ZNF426: variants seen among roughly 807,000 people sequenced by gnomAD.
ZNF426 encodes CTC-543D15.7.
Under a neutral mutation model 24.0 loss-of-function variants are expected in ZNF426, and 23 were observed. That is an observed-to-expected ratio of 0.96 (90% CI 0.69 to 1.36). The LOEUF (loss-of-function observed/expected upper bound fraction) is 1.36, where lower values mean the gene tolerates loss of function less well. Among genes scored for constraint, ZNF426 ranks in the 40% most tolerant of loss-of-function variants. ZNF426 has a pLI of 0.00. For missense variants in ZNF426, 646 were observed against 658.4 expected, an observed-to-expected ratio of 0.98 and a Z score of 0.21; for synonymous variants, 272 against 224.6, an observed-to-expected ratio of 1.21 and a Z score of -1.89.
chr19:9,536,373 A>G lies in ZNF426; in HGVS notation c.-124-17T>C. The G allele has an allele frequency of 1.3e-6, 2 of 1,564,350 alleles. No individual in the cohort carries two copies. Among genetic ancestry groups the G allele is most frequent in the East Asian group, 4.7e-5 (2 of 42,888 alleles). Reference sequence around the variant, plus strand: ...TTGGGATTCCTGTTGGTATTAATCAATAATCAACAAGCAGTACTTAATCAT... The same window carrying G: ...TTGGGATTCCTGTTGGTATTAATCAGTAATCAACAAGCAGTACTTAATCAT... On this transcript the variant is annotated splice_polypyrimidine_tract_variant and intron_variant, in intron 2 of 7. Coordinates refer to ENST00000253115, the MANE Select transcript of ZNF426 (RefSeq NM_024106.3).
intron 2 of ZNF426, among the ~76,000 whole-genome samples, chr19:9,536,828 T>A (rs1277152703): frequency 6.6e-6 from 1 of 151,406 alleles, no homozygotes; most frequent in Non-Finnish European, 1.5e-5. Context: ...GGTTAATTTT[T>A]TTCCACCAAA....
chr19:9,534,928 G>A (rs1162230328), intron 4 of ZNF426, among the ~76,000 whole-genome samples: 2 of 152,022 alleles, frequency 1.3e-5, no homozygotes, highest in African/African-American at 4.8e-5. Flanking sequence ...CTCCCTATAT[G>A]GGTGGCCCCA....
chr19:9,535,674 A>AT (rs1475318966), intron 3 of ZNF426, among the ~76,000 whole-genome samples: 2 of 143,548 alleles, frequency 1.4e-5, no homozygotes, highest in Admixed American at 6.8e-5. Flanking sequence ...TCTACAAAAA[A>AT]ATTTTTTTAA....
At position 9,524,280 on chromosome 19, in the gene ZNF426, C is replaced by T. The variant is rs2073769976; in HGVS notation, c.*4100G>A. 1 of 152,164 alleles carries T rather than the reference C, an allele frequency of 6.6e-6. No homozygotes were observed. The highest frequency in any genetic ancestry group is 1.5e-5 in the Non-Finnish European group (1 of 68,040). The allele number at this position is 152,164 out of a possible 1,614,324, so 9.4% of individuals were successfully genotyped here. A position where few individuals can be genotyped will look rare whatever the true frequency, so the allele number is the denominator to read the frequency against. On this transcript the variant is annotated 3_prime_UTR_variant, in exon 8 of 8. Coordinates refer to ENST00000253115, the MANE Select transcript of ZNF426 (RefSeq NM_024106.3). ...ATATTTTCCATTTACATAGGGTTTCCTGCCACTGTGAATTCTTACAAGTTC... is the reference window on the plus strand; with the variant it reads ...ATATTTTCCATTTACATAGGGTTTCTTGCCACTGTGAATTCTTACAAGTTC...
chr19:9,531,452 T>C (rs932893512), intron 6 of ZNF426, among the ~76,000 whole-genome samples: 6 of 152,200 alleles, frequency 3.9e-5, no homozygotes, highest in African/African-American at 1.4e-4. Context: ...TTATTTCTAT[T>C]TGTTTCAAAT....
chr19:9,532,489 G>T (rs1020360663), intron 6 of ZNF426, among the ~76,000 whole-genome samples: 6 of 151,784 alleles, frequency 4.0e-5, no homozygotes, highest in African/African-American at 1.5e-4. Flanking sequence ...TAGAAACAAG[G>T]TTCTCGGTAT....
rs1224440247 is a variant in ZNF426 at position 9,529,480 on chromosome 19, T to C, written c.565A>G (p.Lys189Glu). Residue 189 changes from lysine (K) to glutamate (E), a missense_variant, in exon 8 of 8, where the codon AAA becomes GAA. Physicochemically the swap from Lys to Glu is moderately conservative, Grantham distance 56. Coordinates refer to ENST00000253115, the MANE Select transcript of ZNF426 (RefSeq NM_024106.3). ...GAAAGTTTCTCACCAGTAGAGGTTT[T>C]CTCACACAGGGTAAGGAAATCTTTT... ...YGKDFLTLCE[K>E]TSTGEKLSEF... 3 of 1,614,058 alleles carry C rather than the reference T, an allele frequency of 1.9e-6. No individual in the cohort carries two copies. The highest frequency in any genetic ancestry group is 2.5e-6 in the Non-Finnish European group (3 of 1,180,028).
Position 9,529,642 on chromosome 19 carries a change from G to A in ZNF426, c.409-6C>T. 1 of 1,577,996 alleles carries A rather than the reference G, an allele frequency of 6.3e-7. No individual in the cohort carries two copies. The highest frequency in any genetic ancestry group is 1.4e-5 in the African/African-American group (1 of 73,724). On this transcript the variant is annotated splice_region_variant and splice_polypyrimidine_tract_variant and intron_variant, in intron 7 of 7. Coordinates refer to ENST00000253115, the MANE Select transcript of ZNF426 (RefSeq NM_024106.3). Reference sequence around the variant, plus strand: ...CTTCCATTGTGTTTTCCTTCCTGTTGAAGGGATGATGATGATTTAAGGATT... The same window carrying A: ...CTTCCATTGTGTTTTCCTTCCTGTTAAAGGGATGATGATGATTTAAGGATT...
chr19:9,530,535 G>A, intron 7 of ZNF426, among the ~76,000 whole-genome samples: 1 of 152,044 alleles, frequency 6.6e-6, no homozygotes, highest in Non-Finnish European at 1.5e-5. Context: ...AACTGAGGCA[G>A]AGGATCACTT....
chr19:9,535,092 A>AG, intron 4 of ZNF426, 96 bp downstream of exon 4: 1 of 971,670 alleles, frequency 1.0e-6, no homozygotes. Context: ...AAAAAAAAAA[A>AG]AAAAGAAGTC....
intron 6 of ZNF426, among the ~76,000 whole-genome samples, 184 bp from the exon 7 acceptor site, chr19:9,531,251 G>A (rs1392280581): frequency 1.3e-5 from 2 of 152,096 alleles, no homozygotes; most frequent in African/African-American, 4.8e-5. Flanking sequence ...TGGGTGTGGT[G>A]GTGAGCACCT....
Position 9,524,732 on chromosome 19 carries a change from G to A in ZNF426, c.*3648C>T, listed in dbSNP as rs1213827638. 1 of 124,382 alleles carries A rather than the reference G, an allele frequency of 8.0e-6. No homozygotes were observed. The highest frequency in any genetic ancestry group is 2.9e-5 in the African/African-American group (1 of 34,242). 7.7% of individuals were successfully genotyped at this position (124,382 alleles called of 1,614,324 possible). On this transcript the variant is annotated 3_prime_UTR_variant, in exon 8 of 8. Transcript: ENST00000253115. ...GGTGATAGAGGTTGTAGTGAGCCAA[G>A]ATTGAGCCATTGCACTCCAGCCTGG... is the stretch of plus-strand genomic sequence containing the variant.
rs770743473 is a variant in ZNF426, at chr19:9,528,733, GATT to G, written c.1309_1311del (p.Asn437del). 1.2e-6 allele frequency: 2 copies of G among 1,614,120 alleles called. No homozygotes were observed. The highest frequency in any genetic ancestry group is 1.7e-6 in the Non-Finnish European group (2 of 1,180,004). ...TTCTGGGCACTGTGCGTTCGCATGT[GATT>G]ATTAAGACATGAGGGATACCCAAAT... On this transcript the variant is annotated inframe_deletion, in exon 8 of 8. Coordinates refer to ENST00000253115, the MANE Select transcript of ZNF426 (RefSeq NM_024106.3).
chr19:9,536,512 G>A, intron 2 of ZNF426, 156 bp from the exon 3 acceptor site: 1 of 561,592 alleles, frequency 1.8e-6, no homozygotes, highest in Non-Finnish European at 3.1e-6. Context: ...ACCAGCCTGG[G>A]CAACATAGCA....
chr19:9,528,962 G>C lies in ZNF426; in HGVS notation c.1083C>G (p.Asp361Glu). ...LSMHVRSHSG[D>E]KPYECKECGK... is the part of the protein sequence containing the mutation. ...CACATTCCTTACATTCATAGGGCTT[G>C]TCTCCACTGTGAGATCGTACATGCA... is the stretch of plus-strand genomic sequence containing the variant. Residue 361 changes from aspartate (D) to glutamate (E), a missense_variant, in exon 8 of 8, where the codon GAC (aspartate) becomes GAG (glutamate). By Grantham distance (45) the Asp-to-Glu change is conservative. Transcript: ENST00000253115. The C allele has an allele frequency of 6.2e-7, 1 of 1,613,426 alleles. No homozygotes were observed. The highest frequency in any genetic ancestry group is 1.1e-5 in the South Asian group (1 of 91,042).
At chr19:9,538,210 A>G (rs2073997527) in intron 2 of ZNF426, 49 bp downstream of exon 2, 1 of 152,220 alleles carries the variant, frequency 6.6e-6, no homozygotes, top group Non-Finnish European at 1.5e-5. Context: ...CGTTTGCATA[A>G]GAGAAGACAG....
intron 7 of ZNF426, 68 bp from the exon 8 acceptor site, chr19:9,529,704 G>T: frequency 1.4e-6 from 2 of 1,426,010 alleles, no homozygotes; most frequent in Non-Finnish European, 1.9e-6. Flanking sequence ...CCCATCTGAA[G>T]CTAGAAACAT....
At position 9,528,781 on chromosome 19, in the gene ZNF426, A is replaced by G. The variant is rs757314842; in HGVS notation, c.1264T>C (p.Cys422Arg). 67 of 1,614,020 alleles carry G rather than the reference A, an allele frequency of 4.2e-5. No homozygotes were observed. Among genetic ancestry groups the G allele is most frequent in the Non-Finnish European group, 3.5e-5 (41 of 1,180,036 alleles). Residue 422 changes from cysteine (C) to arginine (R), a missense_variant, in exon 8 of 8, where the codon TGT (cysteine) becomes CGT (arginine). Cys to Arg is a radical substitution (Grantham distance 180, BLOSUM62 -3). Transcript: ENST00000253115. ...RTHTEEKACE[C>R]KICGKVFGYP... is the part of the protein sequence containing the mutation. ...CCAAATACTTTCCCACATATCTTAC[A>G]CTCACAGGCCTTCTCTTCAGTGTGA...
At position 9,529,148 on chromosome 19, in the gene ZNF426, C is replaced by T. The variant is rs2073841304; in HGVS notation, c.897G>A (p.Met299Ile). 5 of 1,614,060 alleles carry T rather than the reference C, an allele frequency of 3.1e-6. No homozygotes were observed. In the East Asian group the frequency reaches 1.1e-4, roughly 36 times the overall value. The change falls in exon 8 of 8, where the codon ATG becomes ATA. Residue 299 changes from methionine (M) to isoleucine (I), a missense_variant. Coordinates refer to ENST00000253115, the MANE Select transcript of ZNF426 (RefSeq NM_024106.3). ...ATGGTTTCTCCCCAGTGTGGGTTCGCATGTGAATACTGAGGTAGGCTGGGT... is the reference window on the plus strand; with the variant it reads ...ATGGTTTCTCCCCAGTGTGGGTTCGTATGTGAATACTGAGGTAGGCTGGGT... ...YRYPAYLSIH[M>I]RTHTGEKPYE...
Sources: gnomAD v4.1 joint callset for allele counts (sites outside exome capture counted in the v4.1 genomes callset) on GRCh38, gnomAD v4.1.1 for gene constraint, MANE v1.5 for transcripts, NCBI Gene and HGNC (gene_info 2026-07-23, HGNC 2026-07-21) for gene names.